TEKT3: variants seen among roughly 807,000 people sequenced by gnomAD.
TEKT3 encodes tektin-3.
A neutral mutation model predicts 49.8 loss-of-function variants in TEKT3; 49 were observed. The ratio of observed to expected loss-of-function variants is 0.98; its 90% CI spans 0.78 to 1.25. TEKT3 has a LOEUF of 1.25. Among genes scored for constraint, TEKT3 ranks in the 50% most tolerant of loss-of-function variants. The pLI is 0.00. For synonymous variants in TEKT3, 225 were observed against 237.2 expected, an observed-to-expected ratio of 0.95 and a Z score of 0.47; for missense variants, 595 against 629.5, an observed-to-expected ratio of 0.95 and a Z score of 0.59.
In TEKT3 at chr17:15,314,164, G is replaced by A. The variant is rs768321917; in HGVS notation, c.801C>T (p.Ile267=). 33 of 1,614,080 alleles carry A rather than the reference G, an allele frequency of 2.0e-5. No homozygotes were observed. The highest frequency in any genetic ancestry group is 1.2e-4 in the South Asian group (11 of 91,084). ...TGCGCAGGTGGTGGCATTTGTCGTC[G>A]ATCCGGTAAGCCGTCTGTTTGTCAC... ...DLSDKQTAYR[I]DDKCHHLRNT... The change falls in exon 6 of 9, where the codon ATC becomes ATT. Residue 267 remains isoleucine, a synonymous_variant. Transcript: ENST00000395930.
At chr17:15,336,055 C>T (rs1232083056) in intron 2 of TEKT3, among the ~76,000 whole-genome samples, 1 of 151,646 alleles carries the variant, frequency 6.6e-6, no homozygotes, top group South Asian at 2.1e-4. Flanking sequence ...CCCAAATTTG[C>T]TGAAAACTAT....
At chr17:15,312,995 A>G (rs1910836413) in intron 6 of TEKT3, among the ~76,000 whole-genome samples, 1 of 152,220 alleles carries the variant, frequency 6.6e-6, no homozygotes, top group Non-Finnish European at 1.5e-5. Flanking sequence ...ACAAACCAAC[A>G]GCCTTTCATT....
intron 4 of TEKT3, among the ~76,000 whole-genome samples, chr17:15,319,814 C>T (rs969574025): frequency 6.6e-6 from 1 of 152,176 alleles, no homozygotes; most frequent in Non-Finnish European, 1.5e-5. Flanking sequence ...ACATTTATTT[C>T]CCCCTTGAAA....
chr17:15,327,219 T>C (rs1192941617), intron 4 of TEKT3, among the ~76,000 whole-genome samples: 1 of 151,300 alleles, frequency 6.6e-6, no homozygotes, highest in Non-Finnish European at 1.5e-5. Context: ...AAAAATCATG[T>C]CTTAAAAGAA....
chr17:15,321,252 AC>A (rs1911243389), intron 4 of TEKT3, among the ~76,000 whole-genome samples: 1 of 151,788 alleles, frequency 6.6e-6, no homozygotes, highest in Admixed American at 6.6e-5. Context: ...CTTGTGATCC[AC>A]CCGCCTCGGC....
At chr17:15,329,099 T>A (rs1911607100) in intron 3 of TEKT3, among the ~76,000 whole-genome samples, 1 of 152,230 alleles carries the variant, frequency 6.6e-6, no homozygotes, top group African/African-American at 2.4e-5. Flanking sequence ...CAGTAATATA[T>A]GAAAGTGCCC....
rs1911934446 is a variant in TEKT3 at position 15,335,292 on chromosome 17, G to A, written c.-29-3678C>T. Among the ~76,000 whole-genome samples, 2 of 152,230 alleles carry A rather than the reference G, an allele frequency of 1.3e-5. 1 individual carries two copies. Among genetic ancestry groups the A allele is most frequent in the South Asian group, 4.1e-4 (2 of 4,836 alleles). On this transcript the variant is annotated intron_variant, in intron 2 of 8. Transcript: ENST00000395930. ...TACAAAGGGATCTTTGTGAGTCTTT[G>A]CTGAGAATAGGCTGCATATGCATCA...
chr17:15,308,795 A>T lies in TEKT3; in HGVS notation c.1125T>A (p.Thr375=), dbSNP rs146494820. ...LAKTLQEIFQ[T]EMTIESIKKA... ...TCTTGATGGATTCTATGGTCATTTC[A>T]GTCTGGAAAATCTCCTGCAGGGTCT... Residue 375 remains threonine (T), a synonymous_variant, in exon 8 of 9, where the codon ACT becomes ACA. Coordinates refer to ENST00000395930, the MANE Select transcript of TEKT3 (RefSeq NM_031898.3). The T allele has an allele frequency of 3.2e-5, 52 of 1,613,816 alleles. No homozygotes were observed. The Admixed American group carries it at 8.7e-4, about 27-fold the overall frequency.
At chr17:15,330,299 A>G (rs543105318) in intron 3 of TEKT3, among the ~76,000 whole-genome samples, 4 of 152,344 alleles carry the variant, frequency 2.6e-5, no homozygotes, top group African/African-American at 4.8e-5. Context: ...TAAGATGGTC[A>G]TATGGTTTGG....
chr17:15,326,654 A>T (rs16951377), intron 4 of TEKT3, among the ~76,000 whole-genome samples: 10,246 of 152,258 alleles, frequency 0.067, 781 homozygotes, highest in African/African-American at 0.19. Context: ...TAGGCTAAGC[A>T]GGCTTTATGA....
chr17:15,311,187 C>T (rs1910757611), intron 7 of TEKT3, among the ~76,000 whole-genome samples: 1 of 152,198 alleles, frequency 6.6e-6, no homozygotes, highest in Non-Finnish European at 1.5e-5. Context: ...GCATGGAACA[C>T]ACTGTCTGGC....
intron 5 of TEKT3, 186 bp from the exon 6 acceptor site, chr17:15,314,416 T>A: frequency 1.5e-6 from 1 of 649,512 alleles, no homozygotes; most frequent in Non-Finnish European, 2.6e-6. Context: ...TCTACGTCAC[T>A]GGGACCCTAA....
chr17:15,331,007 C>A lies in TEKT3; in HGVS notation c.579G>T (p.Gln193His). 1 of 1,605,536 alleles carries A rather than the reference C, an allele frequency of 6.2e-7. No individual in the cohort carries two copies. The part of the protein sequence containing the change: ...RALMETEAPL[Q>H]VARECLFHRE... The stretch of plus-strand genomic sequence containing the variant: ...AGTGTGTTCTATCATAAGGTCTTAC[C>A]TGAAGAGGGGCTTCAGTCTCCATCA... Residue 193 changes from glutamine to histidine, a missense_variant and splice_region_variant, in exon 3 of 9, where the codon CAG becomes CAT. Gln to His is a conservative substitution (Grantham distance 24). Transcript: ENST00000395930.
At chr17:15,314,920 G>T (rs1297712497) in intron 5 of TEKT3, among the ~76,000 whole-genome samples, 1 of 152,170 alleles carries the variant, frequency 6.6e-6, no homozygotes, top group Non-Finnish European at 1.5e-5. Context: ...GAGATGTATG[G>T]TCTTGCCTGC....
chr17:15,315,795 T>C (rs533731261), intron 5 of TEKT3, among the ~76,000 whole-genome samples: 4 of 152,048 alleles, frequency 2.6e-5, no homozygotes, highest in African/African-American at 4.8e-5. Flanking sequence ...AGATAAAAAG[T>C]AGGGAGACAC....
At chr17:15,337,595 G>C (rs1912036933) in intron 2 of TEKT3, among the ~76,000 whole-genome samples, 1 of 152,190 alleles carries the variant, frequency 6.6e-6, no homozygotes, top group South Asian at 2.1e-4. Context: ...TGTAATCCCA[G>C]CACTTTGGGA....
chr17:15,315,742 C>T (rs1910976124), intron 5 of TEKT3, among the ~76,000 whole-genome samples: 2 of 152,008 alleles, frequency 1.3e-5, no homozygotes, highest in South Asian at 4.1e-4. Context: ...ACATGGGAGA[C>T]ATGAAGGAGG....
chr17:15,317,977 C>CTTTTTTTTTT (rs371718658), intron 5 of TEKT3, among the ~76,000 whole-genome samples: 1 of 137,530 alleles, frequency 7.3e-6, no homozygotes, highest in African/African-American at 2.7e-5. Flanking sequence ...GGTCGGATCT[C>CTTTTTTTTTT]TTTTTTTTTT....
intron 8 of TEKT3, among the ~76,000 whole-genome samples, chr17:15,308,185 G>A (rs188175783): frequency 4.5e-4 from 69 of 152,226 alleles, no homozygotes; most frequent in African/African-American, 1.4e-3. Flanking sequence ...TTTCTGTCGC[G>A]TTCCCCATGC....
Sources: gnomAD v4.1 joint callset for allele counts (sites outside exome capture counted in the v4.1 genomes callset) on GRCh38, gnomAD v4.1.1 for gene constraint, MANE v1.5 for transcripts, NCBI Gene and HGNC (gene_info 2026-07-23, HGNC 2026-07-21) for gene names.